Variants in COL19A1 observed in about 807,000 individuals in gnomAD.
COL19A1 encodes collagen alpha-1(XIX) chain.
A neutral mutation model predicts 190.2 loss-of-function variants in COL19A1; 159 were observed. The observed-to-expected ratio is 0.84, with a 90% CI of 0.73 to 0.95. The LOEUF (loss-of-function observed/expected upper bound fraction) is 0.95, where lower values mean the gene tolerates loss of function less well. Ranked by LOEUF, COL19A1 falls within the 40% of genes least tolerant of loss-of-function variation. The pLI, the probability that COL19A1 is intolerant of heterozygous loss-of-function variation, is 0.00. For missense variants in COL19A1, 1,418 were observed against 1,431.9 expected, an observed-to-expected ratio of 0.99 and a Z score of 0.16; for synonymous variants, 509 against 458.9, an observed-to-expected ratio of 1.11 and a Z score of -1.39.
intron 9 of COL19A1, among the ~76,000 whole-genome samples, chr6:69,942,736 GTGTA>G (rs976184600): frequency 1.7e-5 from 2 of 121,122 alleles, no homozygotes; most frequent in African/African-American, 6.6e-5. Flanking sequence ...ATTCCATTGT[GTGTA>G]TGTGTGTGTG....
rs1765823539 is a variant in COL19A1, at chr6:70,176,636, G to A, written c.2667+72G>A. ...TCTCCATGATACACCTGTGGCCAGG[G>A]ATCAAGACAGGCAGGAGAGCATACC... On this transcript the variant is annotated intron_variant, in intron 42 of 50. Coordinates refer to ENST00000620364, the MANE Select transcript of COL19A1 (RefSeq NM_001858.6). The A allele has an allele frequency of 4.0e-6, 6 of 1,483,508 alleles. No homozygotes were observed. The South Asian group carries it at 4.8e-5, about 12-fold the overall frequency. 91.9% of individuals were successfully genotyped at this position (1,483,508 alleles called of 1,614,324 possible). A position where few individuals can be genotyped will look rare whatever the true frequency, so the allele number is the denominator to read the frequency against.
Position 69,927,890 on chromosome 6 carries a change from C to G in COL19A1, c.267-19C>G. The G allele has an allele frequency of 6.3e-7, 1 of 1,581,872 alleles. No individual in the cohort carries two copies. The highest frequency in any genetic ancestry group is 8.6e-7 in the Non-Finnish European group (1 of 1,160,264). On this transcript the variant is annotated intron_variant, in intron 4 of 50. Coordinates refer to ENST00000620364, the MANE Select transcript of COL19A1 (RefSeq NM_001858.6). ...AATCTCCAGTTTCCCCACAAAAGTT[C>G]TTTGTTTTCCTCCCACAGTAAGATA... is the stretch of plus-strand genomic sequence containing the variant.
intron 2 of COL19A1, among the ~76,000 whole-genome samples, chr6:69,884,796 G>A (rs188666409): frequency 6.6e-6 from 1 of 151,474 alleles, no homozygotes; most frequent in Non-Finnish European, 1.5e-5. Flanking sequence ...TTCTTTGTAG[G>A]TAATCTAGAT....
At chr6:69,959,854 T>C in intron 9 of COL19A1, 142 bp from the exon 10 acceptor site, 1 of 588,678 alleles carries the variant, frequency 1.7e-6, no homozygotes, top group Non-Finnish European at 2.8e-6. Context: ...AAGGAACAGA[T>C]GGAAAGTCCC....
At position 70,156,207 on chromosome 6, in the gene COL19A1, A is replaced by G; in HGVS notation, c.2160A>G (p.Gly720=). The change falls in exon 32 of 51, where the codon GGA becomes GGG. Residue 720 remains glycine (G), a synonymous_variant. Coordinates refer to ENST00000620364, the MANE Select transcript of COL19A1 (RefSeq NM_001858.6). ...AAGAAGGAGGTGCTGGTGAGCCTGG[A>G]AAGTATGATTCCATGGCCCGGAAGG... ...KGEEGGAGEP[G]KYDSMARKGD... is the part of the protein sequence containing the mutation. 3.1e-6 allele frequency: 5 copies of G among 1,613,366 alleles called. No homozygotes were observed. Among genetic ancestry groups the G allele is most frequent in the Non-Finnish European group, 4.2e-6 (5 of 1,179,596 alleles).
chr6:69,945,901 A>G (rs1773766496), intron 9 of COL19A1, among the ~76,000 whole-genome samples: 1 of 152,044 alleles, frequency 6.6e-6, no homozygotes, highest in Admixed American at 6.6e-5. Context: ...TTTCGAGGAT[A>G]AATTTATTAG....
rs185185087 is a variant in COL19A1 at position 70,146,876 on chromosome 6, T to A, written c.1880T>A (p.Ile627Asn). The change falls in exon 27 of 51, where the codon ATT becomes AAT. Residue 627 changes from isoleucine (I) to asparagine (N), a missense_variant. Ile to Asn is a moderately radical substitution (Grantham distance 149). Transcript: ENST00000620364. ...GACATAGGCCCACAAGGGATAGGAA[T>A]TCCTGGCAGAACAGTAAGTGAAATT... ...PGDIGPQGIGIPGRTGAQGPA... is the reference protein window; with the variant it reads ...PGDIGPQGIGNPGRTGAQGPA... The A allele has an allele frequency of 6.3e-7, 1 of 1,585,442 alleles. No individual in the cohort carries two copies. The highest frequency in any genetic ancestry group is 1.4e-5 in the African/African-American group (1 of 73,666).
intron 15 of COL19A1, among the ~76,000 whole-genome samples, chr6:70,087,737 C>T (rs1377291180): frequency 6.6e-6 from 1 of 152,168 alleles, no homozygotes; most frequent in African/African-American, 2.4e-5. Context: ...AGGATCGCCA[C>T]ACTGCCAGTT....
intron 9 of COL19A1, among the ~76,000 whole-genome samples, chr6:69,945,401 G>A (rs1018804371): frequency 6.6e-6 from 1 of 151,644 alleles, no homozygotes; most frequent in Non-Finnish European, 1.5e-5. Context: ...CTAACCCAGA[G>A]ATGATGAGTA....
At chr6:70,063,697 G>T (rs1341627839) in intron 14 of COL19A1, among the ~76,000 whole-genome samples, 2 of 152,110 alleles carry the variant, frequency 1.3e-5, no homozygotes, top group African/African-American at 4.8e-5. Flanking sequence ...CCAGGAGCTG[G>T]TTTTTTGAAA....
intron 14 of COL19A1, among the ~76,000 whole-genome samples, chr6:70,047,580 A>C (rs186298730): frequency 1.8e-4 from 27 of 152,230 alleles, no homozygotes; most frequent in African/African-American, 6.5e-4. Flanking sequence ...TTACATTCAA[A>C]TATTCAAGTA....
At chr6:70,054,335 A>G (rs1270118784) in intron 14 of COL19A1, among the ~76,000 whole-genome samples, 4 of 152,186 alleles carry the variant, frequency 2.6e-5, no homozygotes, top group Non-Finnish European at 5.9e-5. Flanking sequence ...GGGTGACAAG[A>G]GCGAAACTCC....
At position 70,149,671 on chromosome 6, in the gene COL19A1, G is replaced by T. The variant is rs61190430; in HGVS notation, c.1894-33G>T. 7,289 of 1,609,682 alleles carry T rather than the reference G, an allele frequency of 4.5e-3. 224 individuals are homozygous for T. In the African/African-American group the frequency reaches 0.073, roughly 16 times the overall value. On this transcript the variant is annotated intron_variant, in intron 27 of 50. Coordinates refer to ENST00000620364, the MANE Select transcript of COL19A1 (RefSeq NM_001858.6). ...GGATAATTTATGGACATTCTTGGTG[G>T]AATTTTAATAATAAAATCTCATTTG...
chr6:70,066,976 T>C (rs1781266722), intron 14 of COL19A1, among the ~76,000 whole-genome samples: 2 of 152,154 alleles, frequency 1.3e-5, no homozygotes, highest in African/African-American at 4.8e-5. Context: ...CCCATGTGAA[T>C]TGTCATTTGG....
chr6:70,136,794 C>G (rs1562208556), intron 18 of COL19A1, among the ~76,000 whole-genome samples: 1 of 151,854 alleles, frequency 6.6e-6, no homozygotes, highest in Non-Finnish European at 1.5e-5. Flanking sequence ...TGTATTTATT[C>G]TTTTGAAGTA....
intron 48 of COL19A1, among the ~76,000 whole-genome samples, chr6:70,198,947 A>C (rs911813946): frequency 2.0e-5 from 3 of 152,156 alleles, no homozygotes; most frequent in Non-Finnish European, 2.9e-5. Flanking sequence ...ACTGGCAGGT[A>C]GCATCAGTTC....
At chr6:69,905,764 C>T (rs1226638382) in intron 4 of COL19A1, among the ~76,000 whole-genome samples, 1 of 152,116 alleles carries the variant, frequency 6.6e-6, no homozygotes, top group African/African-American at 2.4e-5. Flanking sequence ...GGCACAGGCT[C>T]AGGGGATATT....
At chr6:69,925,331 G>A (rs1013086072) in intron 4 of COL19A1, among the ~76,000 whole-genome samples, 7 of 152,030 alleles carry the variant, frequency 4.6e-5, no homozygotes, top group Non-Finnish European at 1.0e-4. Context: ...AGCACCATTT[G>A]TTAAATAGGG....
intron 11 of COL19A1, among the ~76,000 whole-genome samples, chr6:69,980,733 A>T (rs1207482024): frequency 6.6e-6 from 1 of 152,210 alleles, no homozygotes; most frequent in African/African-American, 2.4e-5. Context: ...CTCGCTAAAG[A>T]GAAAAATTCT....
Sources: allele counts gnomAD v4.1 joint callset (sites outside exome capture counted in the v4.1 genomes callset), GRCh38; gene constraint gnomAD v4.1.1; transcripts MANE v1.5; gene names NCBI Gene and HGNC (gene_info 2026-07-23, HGNC 2026-07-21).